Variants in TRPM3 observed in about 807,000 individuals in gnomAD.
TRPM3 encodes the protein long transient receptor potential channel 3.
In TRPM3, 77 loss-of-function variants were observed where a neutral mutation model predicts 181.2. The ratio of observed to expected loss-of-function variants is 0.42; its 90% CI spans 0.35 to 0.51. The LOEUF (loss-of-function observed/expected upper bound fraction) is 0.51. TRPM3 is among the 20% of genes least tolerant of loss of function. The pLI is 0.01. For missense variants in TRPM3, 1,759 were observed against 2,196.7 expected, an observed-to-expected ratio of 0.80 and a Z score of 3.98; for synonymous variants, 745 against 796.4, an observed-to-expected ratio of 0.94 and a Z score of 1.09.
chr9:70,544,592 C>A (rs2044365977), intron 25 of TRPM3, among the ~76,000 whole-genome samples: 1 of 151,960 alleles, frequency 6.6e-6, no homozygotes, highest in Non-Finnish European at 1.5e-5. Context: ...TTCACCTGAT[C>A]TGTGCTTGTG....
At chr9:71,286,166 C>T (rs1461259526) in intron 1 of TRPM3, among the ~76,000 whole-genome samples, 1 of 152,162 alleles carries the variant, frequency 6.6e-6, no homozygotes, top group East Asian at 1.9e-4. Context: ...ATGGGAATCA[C>T]CGCAATTTTG....
chr9:70,596,639 G>A (rs2059077405), intron 21 of TRPM3, among the ~76,000 whole-genome samples: 1 of 151,258 alleles, frequency 6.6e-6, no homozygotes. Flanking sequence ...GTTGAGGCAG[G>A]AGAATTGCTA....
chr9:70,635,361 C>A (rs1476945920), intron 11 of TRPM3, 100 bp from the exon 12 acceptor site: 3 of 957,536 alleles, frequency 3.1e-6, no homozygotes, highest in Admixed American at 3.8e-5. Flanking sequence ...TGGTGGAGGG[C>A]AGTTCATTAA....
chr9:70,974,333 A>G (rs1590207133), intron 1 of TRPM3, among the ~76,000 whole-genome samples: 1 of 152,166 alleles, frequency 6.6e-6, no homozygotes, highest in African/African-American at 2.4e-5. Context: ...AGGTCAGGAG[A>G]TCGAGACCAG....
intron 1 of TRPM3, among the ~76,000 whole-genome samples, chr9:70,981,613 T>C (rs1047399250): frequency 6.6e-6 from 1 of 152,186 alleles, no homozygotes; most frequent in African/African-American, 2.4e-5. Flanking sequence ...TTGGTTTTCT[T>C]GACTGCAATA....
intron 1 of TRPM3, among the ~76,000 whole-genome samples, chr9:71,104,324 G>A (rs1181958641): frequency 2.6e-5 from 4 of 152,100 alleles, no homozygotes; most frequent in African/African-American, 7.2e-5. Context: ...ATAGTTAAAT[G>A]TATAGCCTAC....
intron 1 of TRPM3, among the ~76,000 whole-genome samples, chr9:71,259,102 T>C (rs2132060850): frequency 6.6e-6 from 1 of 152,190 alleles, no homozygotes; most frequent in South Asian, 2.1e-4. Context: ...TGCCAATGTG[T>C]TCTCATTGTT....
At chr9:70,924,875 A>G (rs2096705109) in intron 1 of TRPM3, among the ~76,000 whole-genome samples, 1 of 152,182 alleles carries the variant, frequency 6.6e-6, no homozygotes, top group South Asian at 2.1e-4. Context: ...TATTTTCAAG[A>G]AGTAATTTCT....
intron 8 of TRPM3, among the ~76,000 whole-genome samples, chr9:70,693,451 T>G (rs1444521377): frequency 6.6e-6 from 1 of 152,148 alleles, no homozygotes; most frequent in African/African-American, 2.4e-5. Flanking sequence ...GGATTTCTTA[T>G]GGGGTTGTAA....
At chr9:71,223,168 C>T (rs552517986) in intron 1 of TRPM3, among the ~76,000 whole-genome samples, 1 of 152,270 alleles carries the variant, frequency 6.6e-6, no homozygotes, top group Non-Finnish European at 1.5e-5. Context: ...CCCCTTCCTT[C>T]CTCTTGAGGG....
intron 22 of TRPM3, among the ~76,000 whole-genome samples, chr9:70,556,732 AC>A (rs1368840823): frequency 2.6e-5 from 4 of 151,270 alleles, no homozygotes; most frequent in African/African-American, 9.7e-5. Flanking sequence ...AAAAACAAAA[AC>A]CCCCCTCAAA....
chr9:70,913,561 T>G (rs1484289919), intron 1 of TRPM3, among the ~76,000 whole-genome samples: 1 of 152,234 alleles, frequency 6.6e-6, no homozygotes, highest in Admixed American at 6.5e-5. Flanking sequence ...ATGCAAGAGT[T>G]TCTATAGCAG....
chr9:70,828,847 T>TA (rs1198738691), intron 5 of TRPM3, among the ~76,000 whole-genome samples: 2 of 151,940 alleles, frequency 1.3e-5, no homozygotes, highest in Admixed American at 6.6e-5. Context: ...AATGGAGAGG[T>TA]AAAGTAAGTT....
At chr9:71,089,670 T>C (rs1374181905) in intron 1 of TRPM3, among the ~76,000 whole-genome samples, 20 of 152,116 alleles carry the variant, frequency 1.3e-4, no homozygotes, top group Admixed American at 1.3e-3. Context: ...ATACTTTCCA[T>C]TCAGTCCAAG....
rs138780981 is a variant in TRPM3, at chr9:71,359,395, C to G, written c.183+87258G>C. On this transcript the variant is annotated intron_variant, in intron 1 of 24. Transcript: ENST00000357533. ...GAAAGGGAATTTTAAACAGAAGTTA[C>G]TGAAACCTTCACAGAATATTTAAAA... Among the ~76,000 whole-genome samples the G allele has an allele frequency of 2.8e-3, 422 of 152,316 alleles. 1 individual carries two copies. The highest frequency in any genetic ancestry group is 9.7e-3 in the African/African-American group (402 of 41,576).
At chr9:71,246,682 T>C (rs1172185432) in intron 1 of TRPM3, among the ~76,000 whole-genome samples, 2 of 152,240 alleles carry the variant, frequency 1.3e-5, no homozygotes, top group Non-Finnish European at 2.9e-5. Context: ...ACTTTTAGGA[T>C]ATGAATAATA....
intron 7 of TRPM3, among the ~76,000 whole-genome samples, chr9:70,779,511 G>A (rs1164631814): frequency 3.9e-5 from 6 of 152,124 alleles, no homozygotes; most frequent in Admixed American, 1.3e-4. Context: ...TGATTGACAA[G>A]TGACAGGCTA....
chr9:71,446,898 C>T, upstream of TRPM3: 5 of 1,435,218 alleles, frequency 3.5e-6, no homozygotes. Context: ...TGGCTCCTCG[C>T]CGCGGGTCTC....
At chr9:71,265,710 A>G (rs1422727967) in intron 1 of TRPM3, among the ~76,000 whole-genome samples, 3 of 152,246 alleles carry the variant, frequency 2.0e-5, no homozygotes, top group African/African-American at 7.2e-5. Context: ...GTTGAGCAGC[A>G]AGGGAAAATA....
Sources: gnomAD v4.1 joint callset for allele counts (sites outside exome capture counted in the v4.1 genomes callset) on GRCh38, gnomAD v4.1.1 for gene constraint, MANE v1.5 for transcripts, NCBI Gene and HGNC (gene_info 2026-07-23, HGNC 2026-07-21) for gene names.